The following KIF26B variants were observed in gnomAD, a reference collection of about 807,000 sequenced individuals.
KIF26B encodes kinesin-like protein KIF26B.
A neutral mutation model predicts 151.2 loss-of-function variants in KIF26B; 63 were observed. The observed-to-expected ratio is 0.42, with a 90% CI of 0.34 to 0.51. The LOEUF (loss-of-function observed/expected upper bound fraction) is 0.51. Among genes scored for constraint, KIF26B ranks in the 20% least tolerant of loss-of-function variants. The pLI is 0.07. For synonymous variants in KIF26B, 1,357 were observed against 1,262.1 expected (o/e 1.08, Z -1.59); for missense variants, 2,813 against 2,913.6 (o/e 0.97, Z 0.79).
intron 2 of KIF26B, among the ~76,000 whole-genome samples, chr1:245,252,276 CAAAAAAAA>C (rs5782329): frequency 1.8e-5 from 2 of 113,766 alleles, no homozygotes; most frequent in African/African-American, 3.3e-5. Flanking sequence ...GACCTTGTCT[CAAAAAAAA>C]AAAAAAAAAG....
intron 2 of KIF26B, among the ~76,000 whole-genome samples, chr1:245,331,205 G>A (rs1672104625): frequency 6.6e-6 from 1 of 152,054 alleles, no homozygotes; most frequent in Non-Finnish European, 1.5e-5. Context: ...ACCGAGACAT[G>A]GATCGCGCTC....
chr1:245,509,007 T>C (rs1012368342), intron 4 of KIF26B, among the ~76,000 whole-genome samples: 16 of 152,192 alleles, frequency 1.1e-4, no homozygotes, highest in African/African-American at 3.9e-4. Context: ...AAATAGTGTG[T>C]GAAATGGAGG....
At chr1:245,678,869 G>GA (rs35030829) in intron 10 of KIF26B, among the ~76,000 whole-genome samples, 2,619 of 142,980 alleles carry the variant, frequency 0.018, 69 homozygotes, top group Admixed American at 0.084. Context: ...TCTCAAAAAA[G>GA]AAAAAAAAAA....
Position 245,572,540 on chromosome 1 carries a change from C to T in KIF26B, c.1351-30037C>T, listed in dbSNP as rs946013260. On this transcript the variant is annotated intron_variant, in intron 5 of 14. Coordinates refer to ENST00000407071, the MANE Select transcript of KIF26B (RefSeq NM_018012.4). This position sits in a 1 kb window ranked among gnomAD's most constrained non-coding sequence, Gnocchi z 4.2. ...CCTCAGGACCCTCCCGGTGAACACT[C>T]AGTTAAAATTCCTACTCGCTGCAGT... Among the ~76,000 whole-genome samples, 1 of 152,076 alleles carries T rather than the reference C, an allele frequency of 6.6e-6. No homozygotes were observed. Among genetic ancestry groups the T allele is most frequent in the African/African-American group, 2.4e-5 (1 of 41,408 alleles).
At chr1:245,483,018 C>A (rs557210529) in intron 4 of KIF26B, among the ~76,000 whole-genome samples, 1 of 151,672 alleles carries the variant, frequency 6.6e-6, no homozygotes, top group African/African-American at 2.4e-5. Context: ...GAGGCCCAGG[C>A]AGCAGATGCC....
rs1162852688 is a variant in KIF26B, at chr1:245,375,572, T to TC, written c.999+8205_999+8206insC. ...GAAGCTGAGGACGGCAAGGGTGTGA[T>TC]TCTCCCCTAGAGCCTCCAGAAGAAG... is the stretch of plus-strand genomic sequence containing the variant. On this transcript the variant is annotated intron_variant, in intron 3 of 14. Transcript: ENST00000407071. The surrounding 1 kb of genome is among the most constrained non-coding windows in gnomAD (Gnocchi z 4.2). 6.6e-6 allele frequency among the ~76,000 whole-genome samples: 1 copy of TC among 152,124 alleles called. No homozygotes were observed. The highest frequency in any genetic ancestry group is 1.5e-5 in the Non-Finnish European group (1 of 68,016).
rs764566249 is a variant in KIF26B at position 245,419,755 on chromosome 1, C to T, written c.1166+10C>T. 3.8e-6 allele frequency: 6 copies of T among 1,598,690 alleles called. No homozygotes were observed. The Admixed American group carries it at 1.0e-4, about 27-fold the overall frequency. On this transcript the variant is annotated intron_variant, in intron 4 of 14. Coordinates refer to ENST00000407071, the MANE Select transcript of KIF26B (RefSeq NM_018012.4). ...CCTCCTTCTTTGCACGGTAAGAGAG[C>T]TGTTCAGATCCTTGGTTCTTTCCGA...
chr1:245,681,302 C>T (rs548887575), intron 10 of KIF26B, among the ~76,000 whole-genome samples: 18 of 151,910 alleles, frequency 1.2e-4, no homozygotes, highest in South Asian at 4.2e-4. Flanking sequence ...CTCCACCCCC[C>T]GGGTTCACGC....
At chr1:245,413,710 A>C (rs1054538653) in intron 3 of KIF26B, among the ~76,000 whole-genome samples, 2 of 152,200 alleles carry the variant, frequency 1.3e-5, no homozygotes, top group African/African-American at 4.8e-5. Flanking sequence ...ATTCAGAATT[A>C]TGCAGTGAGG....
At chr1:245,682,240 G>A (rs936366887) in intron 10 of KIF26B, among the ~76,000 whole-genome samples, 1 of 152,042 alleles carries the variant, frequency 6.6e-6, no homozygotes, top group South Asian at 2.1e-4. Flanking sequence ...GCAAGAGTCT[G>A]TCTTAGGAAA....
intron 4 of KIF26B, among the ~76,000 whole-genome samples, chr1:245,476,892 C>G (rs1216680960): frequency 6.6e-6 from 1 of 151,654 alleles, no homozygotes; most frequent in Non-Finnish European, 1.5e-5. Context: ...ACATGCACCC[C>G]CATAGTTCAA....
At chr1:245,197,468 A>G (rs1328351942) in intron 2 of KIF26B, among the ~76,000 whole-genome samples, 5 of 152,140 alleles carry the variant, frequency 3.3e-5, no homozygotes. Context: ...TTAATTCAAT[A>G]TAATTATAAC....
At chr1:245,330,751 A>G (rs1237256207) in intron 2 of KIF26B, among the ~76,000 whole-genome samples, 1 of 38,312 alleles carries the variant, frequency 2.6e-5, no homozygotes. Context: ...TCGGGGAGGG[A>G]GTGGGGGAGG....
chr1:245,270,158 T>G (rs1670825544), intron 2 of KIF26B, among the ~76,000 whole-genome samples: 1 of 151,014 alleles, frequency 6.6e-6, no homozygotes, highest in Non-Finnish European at 1.5e-5. Context: ...CCTTCTTCCT[T>G]TCTCTTCCCT....
At chr1:245,233,656 AT>A (rs1174465560) in intron 2 of KIF26B, among the ~76,000 whole-genome samples, 7 of 152,144 alleles carry the variant, frequency 4.6e-5, no homozygotes, top group South Asian at 2.1e-4. Context: ...TTAAAAAAAA[AT>A]CTCTTAACTA....
rs1661588814 is a variant in KIF26B at position 245,540,484 on chromosome 1, T to C, written c.1167-283T>C. On this transcript the variant is annotated intron_variant, in intron 4 of 14. Transcript: ENST00000407071. This position sits in a 1 kb window ranked among gnomAD's most constrained non-coding sequence, Gnocchi z 4.6. The stretch of plus-strand genomic sequence containing the variant: ...AAAGATGCCCAGCTTTGTTCCTGCT[T>C]AAGCTGAATGTTGGTGGATAACACA... The C allele has an allele frequency of 1.6e-6, 1 of 633,700 alleles. No homozygotes were observed. Among genetic ancestry groups the C allele is most frequent in the East Asian group, 3.3e-5 (1 of 30,450 alleles). The allele number at this position is 633,700 out of a possible 1,614,324, so 39.3% of individuals were successfully genotyped here. A position where few individuals can be genotyped will look rare whatever the true frequency, so the allele number is the denominator to read the frequency against.
chr1:245,160,569 C>G (rs1243783027), intron 2 of KIF26B, among the ~76,000 whole-genome samples: 3 of 152,044 alleles, frequency 2.0e-5, no homozygotes, highest in Non-Finnish European at 4.4e-5. Context: ...ACGAAATTCC[C>G]TGGAGTAAGC....
chr1:245,337,129 A>G (rs916943795), intron 2 of KIF26B, among the ~76,000 whole-genome samples: 4 of 149,694 alleles, frequency 2.7e-5, no homozygotes, highest in African/African-American at 7.3e-5. Flanking sequence ...GAGAGCATTT[A>G]GAAGTTTTAT....
At chr1:245,247,351 G>A (rs1344577294) in intron 2 of KIF26B, among the ~76,000 whole-genome samples, 4 of 151,948 alleles carry the variant, frequency 2.6e-5, no homozygotes, top group Admixed American at 1.3e-4. Flanking sequence ...CCAGCTACTC[G>A]GGAGGCTGAG....
Sources: gnomAD v4.1 joint callset for allele counts (sites outside exome capture counted in the v4.1 genomes callset) on GRCh38, gnomAD v4.1.1 for gene constraint, Gnocchi (gnomAD v3.1) non-coding constraint, MANE v1.5 for transcripts, NCBI Gene and HGNC (gene_info 2026-07-23, HGNC 2026-07-21) for gene names.